PRKG1: variants seen among roughly 807,000 people sequenced by gnomAD.
PRKG1 encodes the protein protein kinase cGMP-dependent 1.
A neutral mutation model predicts 88.1 loss-of-function variants in PRKG1; 35 were observed. The observed-to-expected ratio is 0.40, with a 90% CI of 0.30 to 0.53. PRKG1 has a LOEUF of 0.53. PRKG1 is among the 20% of genes least tolerant of loss of function. The pLI, the probability that PRKG1 is intolerant of heterozygous loss-of-function variation, is 0.59. For synonymous variants in PRKG1, 303 were observed against 292.5 expected (o/e 1.04, Z -0.37); for missense variants, 540 against 839.8 (o/e 0.64, Z 4.41).
chr10:51,005,457 A>G (rs1272968987), intron 1 of PRKG1, among the ~76,000 whole-genome samples: 1 of 152,230 alleles, frequency 6.6e-6, no homozygotes, highest in Non-Finnish European at 1.5e-5. Context: ...AGAAGTTCAG[A>G]AAGACTGATA....
chr10:52,074,824 A>T (rs1489450098), intron 7 of PRKG1, among the ~76,000 whole-genome samples: 1 of 152,212 alleles, frequency 6.6e-6, no homozygotes, highest in Non-Finnish European at 1.5e-5. Flanking sequence ...CTTGCCAGAA[A>T]AAAATTTGAG....
At chr10:51,147,161 G>T (rs1055508802) in intron 1 of PRKG1, among the ~76,000 whole-genome samples, 1 of 152,032 alleles carries the variant, frequency 6.6e-6, no homozygotes, top group Non-Finnish European at 1.5e-5. Flanking sequence ...GATACTGAAG[G>T]GTTGGTTAAT....
intron 2 of PRKG1, among the ~76,000 whole-genome samples, chr10:51,204,521 C>T (rs10996059): frequency 6.6e-6 from 1 of 152,026 alleles, no homozygotes; most frequent in South Asian, 2.1e-4. Flanking sequence ...CCATTTTTAA[C>T]AGGATCTTTT....
intron 2 of PRKG1, among the ~76,000 whole-genome samples, chr10:51,453,014 T>A (rs1292252305): frequency 2.0e-5 from 3 of 152,030 alleles, no homozygotes; most frequent in Non-Finnish European, 4.4e-5. Context: ...TCTGGTTTAA[T>A]CTAGGAGGTT....
chr10:51,743,765 T>TATATATATA (rs1837508225), intron 3 of PRKG1, among the ~76,000 whole-genome samples: 2 of 132,900 alleles, frequency 1.5e-5, no homozygotes, highest in African/African-American at 2.8e-5. Flanking sequence ...TATATATATA[T>TATATATATA]TTAGTTGCCT....
intron 9 of PRKG1, among the ~76,000 whole-genome samples, chr10:52,246,337 A>G (rs1841019925): frequency 6.6e-6 from 1 of 152,170 alleles, no homozygotes; most frequent in Non-Finnish European, 1.5e-5. Context: ...TGAATATGAT[A>G]CTGTGCAGAT....
chr10:51,085,597 G>C (rs1589141484), intron 1 of PRKG1, among the ~76,000 whole-genome samples: 1 of 152,068 alleles, frequency 6.6e-6, no homozygotes, highest in African/African-American at 2.4e-5. Flanking sequence ...ACTTAGAAAA[G>C]TAAGAGTAGT....
intron 3 of PRKG1, among the ~76,000 whole-genome samples, chr10:51,706,576 ACCAGG>A (rs1564615379): frequency 6.6e-6 from 1 of 152,156 alleles, no homozygotes; most frequent in African/African-American, 2.4e-5. Context: ...AAGAAATTAG[ACCAGG>A]CTCAAATGTC....
intron 1 of PRKG1, among the ~76,000 whole-genome samples, chr10:51,080,522 C>T (rs1226459989): frequency 6.6e-6 from 1 of 152,148 alleles, no homozygotes; most frequent in Non-Finnish European, 1.5e-5. Context: ...GCTCTTTCTG[C>T]CATCTCTACC....
At chr10:52,272,353 AATGTTT>A in intron 11 of PRKG1, 33 bp from the exon 12 acceptor site, 1 of 1,462,554 alleles carries the variant, frequency 6.8e-7, no homozygotes, top group African/African-American at 1.4e-5. Context: ...AAAAGACAGT[AATGTTT>A]ATAATCTTTG....
In PRKG1 at chr10:52,256,332, G is replaced by C. The variant is rs566544463; in HGVS notation, c.1173+4666G>C. On this transcript the variant is annotated intron_variant, in intron 10 of 17. Coordinates refer to ENST00000373980, the MANE Select transcript of PRKG1 (RefSeq NM_006258.4). The stretch of plus-strand genomic sequence containing the variant: ...CTCCCCTTTCTCTAAATCCTTTTCT[G>C]CTCCTAGTTTAATGGCAAAATACCT... 1.2e-4 allele frequency among the ~76,000 whole-genome samples: 16 copies of C among 138,372 alleles called. 1 individual carries two copies. Among genetic ancestry groups the C allele is most frequent in the African/African-American group, 4.0e-4 (16 of 40,122 alleles). 90.8% of individuals were successfully genotyped at this position (138,372 alleles called of 152,430 possible). A position where few individuals can be genotyped will look rare whatever the true frequency, so the allele number is the denominator to read the frequency against.
At chr10:51,622,227 C>G (rs1411678214) in intron 3 of PRKG1, among the ~76,000 whole-genome samples, 1 of 152,120 alleles carries the variant, frequency 6.6e-6, no homozygotes, top group Admixed American at 6.5e-5. Flanking sequence ...GCTCTGATCC[C>G]AAGACTCAGG....
intron 4 of PRKG1, among the ~76,000 whole-genome samples, chr10:51,887,535 A>G (rs1841603434): frequency 6.6e-6 from 1 of 152,170 alleles, no homozygotes; most frequent in South Asian, 2.1e-4. Flanking sequence ...TCCCATCAAC[A>G]GTGTATAAGA....
At chr10:51,652,312 G>A (rs1470602799) in intron 3 of PRKG1, among the ~76,000 whole-genome samples, 10 of 69,352 alleles carry the variant, frequency 1.4e-4, no homozygotes, top group Admixed American at 4.6e-4. Flanking sequence ...AGTGATTTCT[G>A]ACACAAATTA....
At chr10:51,952,805 G>A (rs890180474) in intron 5 of PRKG1, among the ~76,000 whole-genome samples, 16 of 152,050 alleles carry the variant, frequency 1.1e-4, no homozygotes, top group Non-Finnish European at 2.1e-4. Flanking sequence ...TCTGTAAAAT[G>A]GAAATGAAAA....
chr10:52,203,042 C>T (rs1839718888), intron 9 of PRKG1, among the ~76,000 whole-genome samples: 1 of 151,780 alleles, frequency 6.6e-6, no homozygotes, highest in Non-Finnish European at 1.5e-5. Flanking sequence ...TTGGTTATTC[C>T]TTGTCTTCTG....
At chr10:51,734,674 T>C (rs1837218547) in intron 3 of PRKG1, among the ~76,000 whole-genome samples, 1 of 152,106 alleles carries the variant, frequency 6.6e-6, no homozygotes, top group African/African-American at 2.4e-5. Context: ...GGATGGTAGG[T>C]CAAGATAAAC....
At chr10:51,427,197 G>A (rs1838613560) in intron 2 of PRKG1, among the ~76,000 whole-genome samples, 1 of 152,110 alleles carries the variant, frequency 6.6e-6, no homozygotes, top group South Asian at 2.1e-4. Context: ...TAGGGAGAGA[G>A]ATACAAAAAG....
intron 7 of PRKG1, among the ~76,000 whole-genome samples, chr10:52,086,407 A>ATTTT (rs34889827): frequency 7.1e-6 from 1 of 140,366 alleles, no homozygotes. Flanking sequence ...TATAGGTATG[A>ATTTT]TTTTTTTTTT....
Sources: allele counts gnomAD v4.1 joint callset (sites outside exome capture counted in the v4.1 genomes callset), GRCh38; gene constraint gnomAD v4.1.1; transcripts MANE v1.5; gene names NCBI Gene and HGNC (gene_info 2026-07-23, HGNC 2026-07-21).